The following OCA2 variants were observed in gnomAD, a reference collection of about 807,000 sequenced individuals.
OCA2 encodes OCA2 melanosomal transmembrane protein, also known as P protein.
In OCA2, 77 loss-of-function variants were observed where a neutral mutation model predicts 100.2. The ratio of observed to expected loss-of-function variants is 0.77; its 90% confidence interval spans 0.64 to 0.93. The LOEUF is 0.93. Ranked by LOEUF, OCA2 falls within the 40% of genes least tolerant of loss-of-function variation. OCA2 has a pLI of 0.00. For missense variants in OCA2, 1,062 were observed against 1,089.1 expected, an observed-to-expected ratio of 0.98 and a Z score of 0.35; for synonymous variants, 432 against 439.2, an observed-to-expected ratio of 0.98 and a Z score of 0.21.
chr15:28,019,300 AAAG>A (rs1466468810), intron 6 of OCA2, among the ~76,000 whole-genome samples: 3 of 151,976 alleles, frequency 2.0e-5, no homozygotes, highest in East Asian at 1.9e-4. Flanking sequence ...AGGACGCAGC[AAAG>A]AAGAGCAGGA....
intron 4 of OCA2, 91 bp from the exon 5 acceptor site, chr15:28,024,993 T>C (rs2042706430): frequency 3.5e-6 from 4 of 1,151,388 alleles, no homozygotes; most frequent in Non-Finnish European, 5.2e-6. Flanking sequence ...GTAACTTCCA[T>C]CTCAAAGCAT....
chr15:27,843,691 C>G (rs1352097756), intron 23 of OCA2, among the ~76,000 whole-genome samples: 7 of 152,182 alleles, frequency 4.6e-5, no homozygotes, highest in African/African-American at 1.7e-4. Flanking sequence ...ATTAATGCCT[C>G]AGCAAAATTA....
At chr15:27,960,203 G>C (rs1416402512) in intron 15 of OCA2, among the ~76,000 whole-genome samples, 1 of 152,136 alleles carries the variant, frequency 6.6e-6, no homozygotes, top group Non-Finnish European at 1.5e-5. Context: ...TGCTCTTCCA[G>C]GTACACAAGA....
At chr15:27,833,440 T>G (rs1340647950) in intron 23 of OCA2, among the ~76,000 whole-genome samples, 3 of 152,204 alleles carry the variant, frequency 2.0e-5, no homozygotes, top group Admixed American at 2.0e-4. Context: ...AAAGATGTCT[T>G]GGGACTCTCC....
chr15:28,059,477 C>G (rs72712686), intron 2 of OCA2, among the ~76,000 whole-genome samples: 16,833 of 152,158 alleles, frequency 0.11, 1,196 homozygotes, highest in African/African-American at 0.21. Flanking sequence ...ACAGGTCAAG[C>G]ATGCAGTGAG....
intron 3 of OCA2, among the ~76,000 whole-genome samples, chr15:28,029,129 G>A (rs2042840632): frequency 1.3e-5 from 2 of 152,306 alleles, no homozygotes; most frequent in South Asian, 4.1e-4. Flanking sequence ...GTTAACAGAT[G>A]TGATCTGTGA....
chr15:27,992,764 G>A (rs540787880), intron 9 of OCA2, among the ~76,000 whole-genome samples: 5 of 152,320 alleles, frequency 3.3e-5, no homozygotes, highest in East Asian at 3.9e-4. Context: ...TCTATGACAT[G>A]TTCCTTTCTT....
chr15:27,823,776 A>T (rs1024967494), intron 23 of OCA2, among the ~76,000 whole-genome samples: 1 of 152,342 alleles, frequency 6.6e-6, no homozygotes, highest in African/African-American at 2.4e-5. Context: ...CTTTCAATAA[A>T]TTAGTCATGT....
chr15:27,848,475 C>A (rs1002880633), intron 22 of OCA2, among the ~76,000 whole-genome samples: 3 of 152,192 alleles, frequency 2.0e-5, no homozygotes, highest in African/African-American at 4.8e-5. Flanking sequence ...GTCACTTCCC[C>A]AGCTCAAGCC....
chr15:28,016,749 C>A (rs2042406603), intron 7 of OCA2, among the ~76,000 whole-genome samples: 1 of 151,906 alleles, frequency 6.6e-6, no homozygotes, highest in Non-Finnish European at 1.5e-5. Flanking sequence ...CCACTACACC[C>A]CAGCCTGGGC....
intron 23 of OCA2, among the ~76,000 whole-genome samples, chr15:27,770,974 CCTTT>C (rs1231779893): frequency 8.5e-5 from 8 of 93,682 alleles, no homozygotes; most frequent in Non-Finnish European, 1.5e-4. Context: ...TCCCTCCCTT[CCTTT>C]CCTTCTTTCT....
chr15:28,063,324 G>A (rs895573107), intron 2 of OCA2, among the ~76,000 whole-genome samples: 16 of 151,972 alleles, frequency 1.1e-4, no homozygotes, highest in Non-Finnish European at 7.4e-5. Context: ...GTTTCTTGGC[G>A]ATAGCATACA....
At chr15:28,042,537 G>A (rs1249455535) in intron 2 of OCA2, among the ~76,000 whole-genome samples, 2 of 151,764 alleles carry the variant, frequency 1.3e-5, no homozygotes, top group East Asian at 1.9e-4. Flanking sequence ...CTACTTGGGA[G>A]GCTGAGGCAG....
At chr15:28,096,228 G>T (rs2044979367) in intron 1 of OCA2, among the ~76,000 whole-genome samples, 1 of 150,602 alleles carries the variant, frequency 6.6e-6, no homozygotes, top group Admixed American at 6.6e-5. Flanking sequence ...CCGGGGCGTG[G>T]TTGTGTCTCC....
chr15:28,002,683 C>A (rs866520046), intron 9 of OCA2, among the ~76,000 whole-genome samples: 4 of 152,152 alleles, frequency 2.6e-5, no homozygotes, highest in Admixed American at 6.5e-5. Flanking sequence ...GGGCTCCAGG[C>A]CACGCGGGAG....
intron 23 of OCA2, among the ~76,000 whole-genome samples, chr15:27,815,903 G>A (rs1195360090): frequency 3.3e-5 from 5 of 152,278 alleles, no homozygotes; most frequent in Admixed American, 6.5e-5. Flanking sequence ...AGGCTGAGGC[G>A]GGTAGATCAC....
chr15:27,957,810 A>G lies in OCA2; in HGVS notation c.1637-75T>C. The G allele has an allele frequency of 6.4e-7, 1 of 1,554,302 alleles. No individual in the cohort carries two copies. Among genetic ancestry groups the G allele is most frequent in the East Asian group, 2.3e-5 (1 of 44,380 alleles). On this transcript the variant is annotated intron_variant, in intron 15 of 23. Coordinates refer to ENST00000354638, the MANE Select transcript of OCA2 (RefSeq NM_000275.3). The surrounding 1 kb of genome is among the most constrained non-coding windows in gnomAD (Gnocchi z 4.3). Reference sequence around the variant, plus strand: ...AGCAACACCCTCCTCTGTTCCCCACACAGTCGATGCCTGACAGAGCAGACA... The same window carrying G: ...AGCAACACCCTCCTCTGTTCCCCACGCAGTCGATGCCTGACAGAGCAGACA...
At chr15:27,920,194 G>A (rs973224056) in intron 19 of OCA2, among the ~76,000 whole-genome samples, 1 of 152,084 alleles carries the variant, frequency 6.6e-6, no homozygotes, top group Non-Finnish European at 1.5e-5. Context: ...TGATTCAACT[G>A]TATGCTGTCT....
intron 19 of OCA2, among the ~76,000 whole-genome samples, chr15:27,872,794 A>C (rs1381890850): frequency 1.3e-5 from 2 of 150,506 alleles, no homozygotes; most frequent in Non-Finnish European, 2.9e-5. Flanking sequence ...GGTTCAAGTG[A>C]TTCTCCTGCC....
Sources: gnomAD v4.1 joint callset for allele counts (sites outside exome capture counted in the v4.1 genomes callset) on GRCh38, gnomAD v4.1.1 for gene constraint, Gnocchi (gnomAD v3.1) non-coding constraint, MANE v1.5 for transcripts, NCBI Gene and HGNC (gene_info 2026-07-23, HGNC 2026-07-21) for gene names.